NKD1: variants seen among roughly 807,000 people sequenced by gnomAD.
NKD1 encodes protein naked cuticle homolog 1.
A neutral mutation model predicts 56.0 loss-of-function variants in NKD1; 21 were observed. The ratio of observed to expected loss-of-function variants is 0.38; its 90% CI spans 0.27 to 0.54. The LOEUF is 0.54. NKD1 is among the 20% of genes least tolerant of loss of function. NKD1 has a pLI of 0.82. For synonymous variants in NKD1, 263 were observed against 265.7 expected (o/e 0.99, Z 0.10); for missense variants, 578 against 642.7 (o/e 0.90, Z 1.09).
chr16:50,585,646 A>G (rs921244743), intron 3 of NKD1, among the ~76,000 whole-genome samples: 1 of 152,172 alleles, frequency 6.6e-6, no homozygotes, highest in African/African-American at 2.4e-5. Context: ...CCACGCCCCA[A>G]GTCATTCCCG....
chr16:50,613,884 AG>A (rs1232447794), intron 4 of NKD1, among the ~76,000 whole-genome samples: 1 of 152,134 alleles, frequency 6.6e-6, no homozygotes, highest in African/African-American at 2.4e-5. Context: ...CAGATGTCAA[AG>A]CCGAGTGGCC....
At position 50,632,232 on chromosome 16, in the gene NKD1, C is replaced by T; in HGVS notation, c.696-49C>T. On this transcript the variant is annotated intron_variant, in intron 8 of 9. Coordinates refer to ENST00000268459, the MANE Select transcript of NKD1 (RefSeq NM_033119.5). The surrounding 1 kb of genome is among the most constrained non-coding windows in gnomAD (Gnocchi z 4.1). Reference sequence around the variant, plus strand: ...CTTCCTAGTAGCCTATGCGCTTGCCCCCACCTGGTGGTTGGTGTTATCCCA... The same window carrying T: ...CTTCCTAGTAGCCTATGCGCTTGCCTCCACCTGGTGGTTGGTGTTATCCCA... 1 of 1,606,354 alleles carries T rather than the reference C, an allele frequency of 6.2e-7. No individual in the cohort carries two copies. Among genetic ancestry groups the T allele is most frequent in the Non-Finnish European group, 8.5e-7 (1 of 1,174,318 alleles).
In NKD1 at chr16:50,633,559, C is replaced by T. The variant is rs751708482; in HGVS notation, c.1191C>T (p.Leu397=). Reference sequence around the variant, plus strand: ...CCCTCCTCCCCTCCCTAGCCCCCCTCGGGCACAAGAAGCACAAGCACCGAG... The same window carrying T: ...CCCTCCTCCCCTCCCTAGCCCCCCTTGGGCACAAGAAGCACAAGCACCGAG... ...SPALLPSLAP[L]GHKKHKHRAK... Residue 397 remains leucine, a synonymous_variant, in exon 10 of 10, where the codon CTC becomes CTT. Coordinates refer to ENST00000268459, the MANE Select transcript of NKD1 (RefSeq NM_033119.5). The surrounding 1 kb of genome is among the most constrained non-coding windows in gnomAD (Gnocchi z 4.9). The T allele has an allele frequency of 2.7e-5, 43 of 1,611,394 alleles. No homozygotes were observed. Among genetic ancestry groups the T allele is most frequent in the South Asian group, 9.9e-5 (9 of 90,968 alleles).
intron 3 of NKD1, among the ~76,000 whole-genome samples, chr16:50,568,179 G>C (rs1305210802): frequency 6.6e-6 from 1 of 152,162 alleles, no homozygotes; most frequent in African/African-American, 2.4e-5. Context: ...GGCCTGGGGG[G>C]CCCCTGAGCA....
chr16:50,584,462 C>T (rs1803446430), intron 3 of NKD1, among the ~76,000 whole-genome samples: 1 of 152,180 alleles, frequency 6.6e-6, no homozygotes, highest in Non-Finnish European at 1.5e-5. Context: ...GGTCTTTTCC[C>T]AGCCCATAGG....
chr16:50,616,990 G>A (rs1485594056), intron 4 of NKD1, among the ~76,000 whole-genome samples: 1 of 152,224 alleles, frequency 6.6e-6, no homozygotes, highest in Non-Finnish European at 1.5e-5. Flanking sequence ...AGCTCACCCT[G>A]TTGTACTGTT....
At chr16:50,589,302 C>CGCGCCAGTCCCTCAGACGCAA (rs1961297567) in intron 3 of NKD1, among the ~76,000 whole-genome samples, 5 of 152,222 alleles carry the variant, frequency 3.3e-5, no homozygotes, top group African/African-American at 1.2e-4. Flanking sequence ...TGAGTTTCCT[C>CGCGCCAGTCCCTCAGACGCAA]GCGCCAGTCC....
chr16:50,548,512 G>T lies in NKD1; in HGVS notation c.-42G>T. 1 of 1,428,830 alleles carries T rather than the reference G, an allele frequency of 7.0e-7. No homozygotes were observed. The highest frequency in any genetic ancestry group is 1.4e-5 in the South Asian group (1 of 73,192). 88.5% of individuals were successfully genotyped at this position (1,428,830 alleles called of 1,614,324 possible). On this transcript the variant is annotated 5_prime_UTR_variant, in exon 1 of 10. Coordinates refer to ENST00000268459, the MANE Select transcript of NKD1 (RefSeq NM_033119.5). ...AGGGAGGCGCCAGGCCCGCGGGCCG[G>T]GCGCATGGCTTAGGGACGCTCCCGG...
chr16:50,561,996 G>A (rs1450607033), intron 3 of NKD1, among the ~76,000 whole-genome samples: 2 of 152,188 alleles, frequency 1.3e-5, no homozygotes, highest in Non-Finnish European at 2.9e-5. Context: ...GACTTGGGTG[G>A]CTCACGAAGG....
chr16:50,633,560 G>A lies in NKD1; in HGVS notation c.1192G>A (p.Gly398Arg), dbSNP rs761922487. The A allele has an allele frequency of 1.2e-5, 19 of 1,611,002 alleles. No individual in the cohort carries two copies. The highest frequency in any genetic ancestry group is 9.9e-5 in the South Asian group (9 of 90,940). Residue 398 changes from glycine to arginine, a missense_variant, in exon 10 of 10, where the codon GGG (glycine) becomes AGG (arginine). Gly to Arg is a moderately radical substitution (Grantham distance 125, BLOSUM62 -2). Coordinates refer to ENST00000268459, the MANE Select transcript of NKD1 (RefSeq NM_033119.5). This position sits in a 1 kb window ranked among gnomAD's most constrained non-coding sequence, Gnocchi z 4.9. ...PALLPSLAPL[G>R]HKKHKHRAKE... ...CCTCCTCCCCTCCCTAGCCCCCCTC[G>A]GGCACAAGAAGCACAAGCACCGAGC...
rs150013194 is a variant in NKD1, at chr16:50,564,024, G to A, written c.192+14469G>A. Among the ~76,000 whole-genome samples, 278 of 152,392 alleles carry A rather than the reference G, an allele frequency of 1.8e-3. 3 individuals are homozygous for A. The highest frequency in any genetic ancestry group is 5.9e-3 in the African/African-American group (245 of 41,592). ...CTCCATCCTCAGTGGGCAGGGAGGC[G>A]TCAAAGGAGTGCAAAGGAGTGATTC... On this transcript the variant is annotated intron_variant, in intron 3 of 9. Coordinates refer to ENST00000268459, the MANE Select transcript of NKD1 (RefSeq NM_033119.5).
rs1962734037 is a variant in NKD1, at chr16:50,649,238, A to T, written c.*15457A>T. The T allele has an allele frequency of 1.3e-5, 2 of 152,176 alleles. No individual in the cohort carries two copies. Among genetic ancestry groups the T allele is most frequent in the Admixed American group, 1.3e-4 (2 of 15,280 alleles). 9.4% of individuals were successfully genotyped at this position (152,176 alleles called of 1,614,324 possible). On this transcript the variant is annotated 3_prime_UTR_variant, in exon 10 of 10. Coordinates refer to ENST00000268459, the MANE Select transcript of NKD1 (RefSeq NM_033119.5). The stretch of plus-strand genomic sequence containing the variant: ...TTTATAATTATTTCAAAATAAAAAA[A>T]TTTTAAAAATAGTGGCGTTGCTCAG...
chr16:50,554,477 C>T (rs1231220408), intron 3 of NKD1, among the ~76,000 whole-genome samples: 1 of 152,150 alleles, frequency 6.6e-6, no homozygotes, highest in African/African-American at 2.4e-5. Context: ...TTTTCCCCAG[C>T]TCCTCTTCCC....
At position 50,642,881 on chromosome 16, in the gene NKD1, C is replaced by G. The variant is rs1962605068; in HGVS notation, c.*9100C>G. 1 of 152,246 alleles carries G rather than the reference C, an allele frequency of 6.6e-6. No homozygotes were observed. The highest frequency in any genetic ancestry group is 6.5e-5 in the Admixed American group (1 of 15,280). 9.4% of individuals were successfully genotyped at this position (152,246 alleles called of 1,614,324 possible). ...TTTTCCCTCTCAAGTTTGATGGGAT[C>G]ACTCTGTTCCTTCCAGACCCGACTT... On this transcript the variant is annotated 3_prime_UTR_variant, in exon 10 of 10. Transcript: ENST00000268459.
At chr16:50,548,900 C>A in intron 2 of NKD1, 151 bp downstream of exon 2, 1 of 1,168,598 alleles carries the variant, frequency 8.6e-7, no homozygotes. Flanking sequence ...CCTGAGCAGC[C>A]TTCGCGCCCC....
At chr16:50,592,591 G>T (rs995950812) in intron 3 of NKD1, among the ~76,000 whole-genome samples, 37 of 152,210 alleles carry the variant, frequency 2.4e-4, no homozygotes, top group Admixed American at 2.0e-3. Context: ...GAGTTTAGCC[G>T]GCTGGGGAGC....
intron 3 of NKD1, chr16:50,557,996 G>C (rs1412371194): frequency 6.6e-6 from 1 of 152,242 alleles, no homozygotes; most frequent in African/African-American, 2.4e-5. Flanking sequence ...GTGGGAACCG[G>C]GGTGCCCCCG....
chr16:50,572,230 A>G (rs183304325), intron 3 of NKD1, among the ~76,000 whole-genome samples: 1 of 152,280 alleles, frequency 6.6e-6, no homozygotes, highest in African/African-American at 2.4e-5. Context: ...CTCACCTCCC[A>G]CAGGAACAGC....
intron 3 of NKD1, among the ~76,000 whole-genome samples, chr16:50,575,545 G>A (rs1388695306): frequency 1.3e-5 from 2 of 152,186 alleles, no homozygotes; most frequent in Admixed American, 1.3e-4. Context: ...CTGTGGGGAC[G>A]GACTTGCTCT....
Sources: allele counts gnomAD v4.1 joint callset (sites outside exome capture counted in the v4.1 genomes callset), GRCh38; gene constraint gnomAD v4.1.1; non-coding constraint Gnocchi (gnomAD v3.1); transcripts MANE v1.5; gene names NCBI Gene and HGNC (gene_info 2026-07-23, HGNC 2026-07-21).